HPSE2: variants seen among roughly 807,000 people sequenced by gnomAD.
HPSE2 encodes the protein heparanase 2 (inactive), also known as inactive heparanase-2.
In HPSE2, 38 loss-of-function variants were observed where a neutral mutation model predicts 60.5. The observed-to-expected ratio is 0.63, with a 90% CI of 0.48 to 0.82. The LOEUF is 0.82. Ranked by LOEUF, HPSE2 falls within the 40% of genes least tolerant of loss-of-function variation. The pLI, the probability that HPSE2 is intolerant of heterozygous loss-of-function variation, is 0.00. For missense variants in HPSE2, 713 were observed against 740.4 expected, an observed-to-expected ratio of 0.96 and a Z score of 0.43; for synonymous variants, 295 against 293.2, an observed-to-expected ratio of 1.01 and a Z score of -0.06.
chr10:99,032,126 T>G (rs192596000), intron 3 of HPSE2, among the ~76,000 whole-genome samples: 25 of 152,186 alleles, frequency 1.6e-4, no homozygotes, highest in African/African-American at 5.8e-4. Flanking sequence ...TTGAAAGGCG[T>G]TTTTTACAGA....
At chr10:98,614,761 C>G (rs1176056377) in intron 9 of HPSE2, 143 bp downstream of exon 9, 1 of 704,404 alleles carries the variant, frequency 1.4e-6, no homozygotes, top group Non-Finnish European at 2.6e-6. Flanking sequence ...ATCAAGGGAA[C>G]AAAGACAGGA....
At chr10:98,492,697 A>G (rs1941698470) in intron 9 of HPSE2, among the ~76,000 whole-genome samples, 1 of 152,172 alleles carries the variant, frequency 6.6e-6, no homozygotes, top group Non-Finnish European at 1.5e-5. Context: ...TCACTCTCTA[A>G]AAAAGGAGAT....
chr10:99,218,424 A>G (rs1366821019), intron 2 of HPSE2, among the ~76,000 whole-genome samples: 1 of 151,998 alleles, frequency 6.6e-6, no homozygotes, highest in Non-Finnish European at 1.5e-5. Flanking sequence ...GATTCTTGAT[A>G]CACACCACAT....
At chr10:98,518,712 G>GAAAA (rs56091142) in intron 9 of HPSE2, among the ~76,000 whole-genome samples, 7 of 147,114 alleles carry the variant, frequency 4.8e-5, no homozygotes, top group Admixed American at 6.7e-5. Context: ...ATCCCACGAG[G>GAAAA]AAAAAAAAAA....
At chr10:99,279,963 C>T in the HPSE2 span, among the ~76,000 whole-genome samples, 1 of 152,182 alleles carries the variant, frequency 6.6e-6, no homozygotes, top group East Asian at 1.9e-4. Flanking sequence ...GCCTTCTCAG[C>T]AAATCCTTTG....
chr10:98,513,580 G>A (rs1420373588), intron 9 of HPSE2, among the ~76,000 whole-genome samples: 1 of 152,170 alleles, frequency 6.6e-6, no homozygotes. Context: ...ACAAAGGAAT[G>A]CCTTCATCTG....
At chr10:98,978,080 A>G (rs1045498580) in intron 3 of HPSE2, among the ~76,000 whole-genome samples, 1 of 152,136 alleles carries the variant, frequency 6.6e-6, no homozygotes, top group African/African-American at 2.4e-5. Context: ...AGTACAAGGT[A>G]GAGCCAGGAT....
intron 9 of HPSE2, among the ~76,000 whole-genome samples, chr10:98,598,897 A>T (rs575127901): frequency 6.6e-6 from 1 of 152,138 alleles, no homozygotes; most frequent in South Asian, 2.1e-4. Flanking sequence ...GACTGGCCTG[A>T]AGCCTGGGTC....
intron 11 of HPSE2, among the ~76,000 whole-genome samples, chr10:98,467,165 C>G (rs1267576619): frequency 6.6e-6 from 1 of 152,154 alleles, no homozygotes; most frequent in Admixed American, 6.5e-5. Flanking sequence ...CCCACAGGAC[C>G]CAGTACTTCT....
At chr10:99,289,754 T>C in the HPSE2 span, among the ~76,000 whole-genome samples, 1 of 152,212 alleles carries the variant, frequency 6.6e-6, no homozygotes, top group Non-Finnish European at 1.5e-5. Context: ...GACACTCAAG[T>C]CAGAAGCTTA....
intron 3 of HPSE2, among the ~76,000 whole-genome samples, chr10:98,970,599 A>G (rs1955927684): frequency 6.6e-6 from 1 of 152,214 alleles, no homozygotes; most frequent in African/African-American, 2.4e-5. Flanking sequence ...AAGCACATTG[A>G]CTTAAGCAAT....
chr10:98,597,042 C>T (rs1377768141), intron 9 of HPSE2, among the ~76,000 whole-genome samples: 1 of 151,942 alleles, frequency 6.6e-6, no homozygotes, highest in Admixed American at 6.6e-5. Context: ...GGAGAAGTGC[C>T]AAGCAAAAGG....
the HPSE2 span, among the ~76,000 whole-genome samples, chr10:99,303,062 T>G: frequency 6.6e-6 from 1 of 152,076 alleles, no homozygotes. Flanking sequence ...GTCTGCAGAG[T>G]GATAACAGAT....
chr10:98,755,601 T>C (rs572339108), intron 3 of HPSE2, among the ~76,000 whole-genome samples: 1 of 152,326 alleles, frequency 6.6e-6, no homozygotes, highest in South Asian at 2.1e-4. Context: ...TGTTCTATAA[T>C]AGAAGACATG....
intron 9 of HPSE2, among the ~76,000 whole-genome samples, chr10:98,493,000 C>T (rs749482908): frequency 2.6e-5 from 4 of 152,232 alleles, no homozygotes; most frequent in Non-Finnish European, 5.9e-5. Flanking sequence ...CCCCCAATCT[C>T]TGGCAACCAT....
At chr10:99,145,827 T>C (rs776528815) in intron 2 of HPSE2, among the ~76,000 whole-genome samples, 103 of 152,214 alleles carry the variant, frequency 6.8e-4, no homozygotes, top group Non-Finnish European at 1.4e-3. Flanking sequence ...AAGTAGTCTT[T>C]TCTTTCAGAT....
intron 3 of HPSE2, among the ~76,000 whole-genome samples, chr10:98,802,647 C>G (rs1191750708): frequency 6.6e-6 from 1 of 151,934 alleles, no homozygotes; most frequent in Non-Finnish European, 1.5e-5. Context: ...AAAGGACATG[C>G]ACTCATCATA....
chr10:98,635,198 G>A (rs1034001340), intron 7 of HPSE2, among the ~76,000 whole-genome samples: 1 of 152,122 alleles, frequency 6.6e-6, no homozygotes, highest in Non-Finnish European at 1.5e-5. Context: ...AGGAAATGAA[G>A]GCAAATAGAA....
At chr10:98,683,591 T>G (rs1245410522) in intron 6 of HPSE2, among the ~76,000 whole-genome samples, 2 of 151,790 alleles carry the variant, frequency 1.3e-5, no homozygotes, top group Non-Finnish European at 2.9e-5. Flanking sequence ...GATAGCAACA[T>G]GTAAGTTTCA....
Sources: gnomAD v4.1 joint callset for allele counts (sites outside exome capture counted in the v4.1 genomes callset) on GRCh38, gnomAD v4.1.1 for gene constraint, MANE v1.5 for transcripts, NCBI Gene and HGNC (gene_info 2026-07-23, HGNC 2026-07-21) for gene names.